Variants in IFT43 observed in about 807,000 individuals in gnomAD.
IFT43 encodes the protein intraflagellar transport 43.
Under a neutral mutation model 32.3 loss-of-function variants are expected in IFT43, and 33 were observed. The ratio of observed to expected loss-of-function variants is 1.02; its 90% CI spans 0.77 to 1.37. The LOEUF (loss-of-function observed/expected upper bound fraction) is 1.37, where lower values mean the gene tolerates loss of function less well. Among genes scored for constraint, IFT43 ranks in the 40% most tolerant of loss-of-function variants. The pLI is 0.00. For synonymous variants in IFT43, 93 were observed against 98.2 expected (o/e 0.95, Z 0.31); for missense variants, 274 against 265.9 (o/e 1.03, Z -0.21).
intron 3 of IFT43, among the ~76,000 whole-genome samples, chr14:76,054,444 T>C (rs977892551): frequency 3.3e-5 from 5 of 152,204 alleles, no homozygotes; most frequent in African/African-American, 1.2e-4. Flanking sequence ...AGGGTGAAAG[T>C]TGGGAGACAT....
chr14:75,992,329 G>C (rs968374251), intron 2 of IFT43, among the ~76,000 whole-genome samples: 1 of 152,190 alleles, frequency 6.6e-6, no homozygotes, highest in Non-Finnish European at 1.5e-5. Flanking sequence ...TACGCATTGA[G>C]ACGCTTTTTA....
intron 3 of IFT43, among the ~76,000 whole-genome samples, chr14:76,050,883 A>G (rs1441328163): frequency 6.6e-6 from 1 of 152,168 alleles, no homozygotes; most frequent in Non-Finnish European, 1.5e-5. Context: ...ATTACATTTT[A>G]TATGTTCCCA....
intron 5 of IFT43, among the ~76,000 whole-genome samples, chr14:76,066,841 T>C (rs571742830): frequency 6.6e-6 from 1 of 152,302 alleles, no homozygotes; most frequent in South Asian, 2.1e-4. Context: ...TATTAAAGAA[T>C]AGAAATGAGG....
intron 3 of IFT43, among the ~76,000 whole-genome samples, chr14:76,038,387 T>C (rs1274129425): frequency 1.3e-5 from 2 of 152,192 alleles, no homozygotes; most frequent in African/African-American, 4.8e-5. Context: ...ATGCTTTTCT[T>C]TCACGTGCCT....
At chr14:76,044,967 C>G (rs958768121) in intron 3 of IFT43, among the ~76,000 whole-genome samples, 3 of 152,100 alleles carry the variant, frequency 2.0e-5, no homozygotes, top group Non-Finnish European at 2.9e-5. Flanking sequence ...ATATAACGTA[C>G]AAAATATGTA....
At chr14:75,999,281 A>ATATATATTTTTTTTT (rs1566699821) in intron 2 of IFT43, among the ~76,000 whole-genome samples, 2 of 39,062 alleles carry the variant, frequency 5.1e-5, no homozygotes, top group Admixed American at 2.9e-4. Context: ...ATGTATATAT[A>ATATATATTTTTTTTT]TTTTTTTTTT....
intron 1 of IFT43, among the ~76,000 whole-genome samples, chr14:75,987,364 C>G (rs947570714): frequency 6.6e-6 from 1 of 152,154 alleles, no homozygotes; most frequent in African/African-American, 2.4e-5. Flanking sequence ...TTTGAAGTGT[C>G]GACATTGCAT....
intron 3 of IFT43, among the ~76,000 whole-genome samples, chr14:76,055,669 T>A (rs1342836689): frequency 6.6e-6 from 1 of 152,224 alleles, no homozygotes; most frequent in East Asian, 1.9e-4. Flanking sequence ...ACCAGGCAGA[T>A]AAAGTAAATC....
rs549449204 is a variant in IFT43 at position 76,022,127 on chromosome 14, T to C, written c.148-200T>C. Among the ~76,000 whole-genome samples the C allele has an allele frequency of 2.6e-5, 4 of 152,218 alleles. No individual in the cohort carries two copies. In the South Asian group the frequency reaches 8.3e-4, roughly 32 times the overall value. On this transcript the variant is annotated intron_variant, in intron 2 of 8. Coordinates refer to ENST00000314067, the MANE Select transcript of IFT43 (RefSeq NM_001102564.3). ...TTAGCTGTGCGTGGTGGTGGGCGCC[T>C]ATAATCCCAGCTACTCAGGAGGCTA...
chr14:76,067,100 T>C (rs1217666389), intron 5 of IFT43, among the ~76,000 whole-genome samples: 1 of 152,204 alleles, frequency 6.6e-6, no homozygotes, highest in Admixed American at 6.5e-5. Flanking sequence ...CATGTCTCTC[T>C]CTATGTGTAT....
intron 2 of IFT43, among the ~76,000 whole-genome samples, chr14:75,999,263 A>ATTT (rs1566699522): frequency 1.2e-4 from 3 of 24,578 alleles, no homozygotes; most frequent in Non-Finnish European, 1.9e-4. Flanking sequence ...ATATATATAT[A>ATTT]TATATATATG....
intron 3 of IFT43, among the ~76,000 whole-genome samples, chr14:76,038,592 C>T (rs879791463): frequency 6.6e-6 from 1 of 152,022 alleles, no homozygotes; most frequent in Admixed American, 6.6e-5. Flanking sequence ...TTAGAGAATC[C>T]ACAGTTATTT....
rs549515124 is a variant in IFT43 at position 75,987,038 on chromosome 14, A to T, written c.54+1198A>T. On this transcript the variant is annotated intron_variant, in intron 1 of 8. Transcript: ENST00000314067. ...GCAATAAATAGACTACATTTAACAT[A>T]CACAAAAATCAGGCAGTAAAGAAGT... Among the ~76,000 whole-genome samples, 156 of 152,378 alleles carry T rather than the reference A, an allele frequency of 1.0e-3. 1 individual carries two copies. The highest frequency in any genetic ancestry group is 3.4e-3 in the African/African-American group (142 of 41,588).
chr14:76,055,992 G>T (rs1365107819), intron 3 of IFT43, among the ~76,000 whole-genome samples: 2 of 152,148 alleles, frequency 1.3e-5, no homozygotes, highest in African/African-American at 4.8e-5. Context: ...AGTATTGCCA[G>T]GCTAAAAAGT....
chr14:76,068,753 C>T (rs180955393), intron 5 of IFT43, among the ~76,000 whole-genome samples: 9 of 152,320 alleles, frequency 5.9e-5, no homozygotes, highest in African/African-American at 2.2e-4. Context: ...TAGGCTTGAA[C>T]TCAGTCTCTA....
At position 76,013,879 on chromosome 14, in the gene IFT43, C is replaced by T. The variant is rs1384735339; in HGVS notation, c.148-8448C>T. The T allele has an allele frequency of 7.1e-5, 17 of 239,566 alleles. No individual in the cohort carries two copies. In the Admixed American group the frequency reaches 8.0e-4, roughly 11 times the overall value. 14.8% of individuals were successfully genotyped at this position (239,566 alleles called of 1,614,324 possible). On this transcript the variant is annotated intron_variant, in intron 2 of 8. Transcript: ENST00000314067. ...AGTACCCATTTAAACCACTGAAGAC[C>T]ACAGTTAAAACAAAACAAAGATTTA...
chr14:76,044,846 C>T (rs542855863), intron 3 of IFT43, among the ~76,000 whole-genome samples: 13 of 152,278 alleles, frequency 8.5e-5, no homozygotes, highest in South Asian at 2.1e-4. Flanking sequence ...CAAGGCCAAC[C>T]GCTCCTCTTC....
intron 2 of IFT43, among the ~76,000 whole-genome samples, chr14:76,001,623 G>T (rs959809145): frequency 2.0e-5 from 3 of 152,234 alleles, no homozygotes; most frequent in African/African-American, 7.2e-5. Flanking sequence ...GTGGAAGCAG[G>T]TAGTTGGCTT....
At chr14:75,989,456 G>A (rs2035595154) in intron 2 of IFT43, among the ~76,000 whole-genome samples, 1 of 152,088 alleles carries the variant, frequency 6.6e-6, no homozygotes, top group South Asian at 2.1e-4. Context: ...AAATGATCCA[G>A]CTTCTTTGTG....
Sources: allele counts gnomAD v4.1 joint callset (sites outside exome capture counted in the v4.1 genomes callset), GRCh38; gene constraint gnomAD v4.1.1; transcripts MANE v1.5; gene names NCBI Gene and HGNC (gene_info 2026-07-23, HGNC 2026-07-21).